Variants in SLC22A16 observed in about 807,000 individuals in gnomAD.
SLC22A16 encodes WUGSC:RG331P03.1.
In SLC22A16, 53 loss-of-function variants were observed where a neutral mutation model predicts 52.9. That is an observed-to-expected ratio of 1.00 (90% CI 0.80 to 1.26). The LOEUF is 1.26. Ranked by LOEUF, SLC22A16 falls within the 50% of genes most tolerant of loss-of-function variation. SLC22A16 has a pLI of 0.00. For missense variants in SLC22A16, 726 were observed against 704.0 expected (o/e 1.03, Z -0.35); for synonymous variants, 291 against 268.8 (o/e 1.08, Z -0.81).
rs1386742774 is a variant in SLC22A16 at position 110,442,415 on chromosome 6, G to A, written c.1012C>T (p.Pro338Ser). 15 of 1,614,076 alleles carry A rather than the reference G, an allele frequency of 9.3e-6. No individual in the cohort carries two copies. Among genetic ancestry groups the A allele is most frequent in the Non-Finnish European group, 1.2e-5 (14 of 1,180,050 alleles). Reference sequence around the variant, plus strand: ...AGGTTGTGCTTCTGAACTTCAGTGGGGCTATTACTAACAGGACCTTGTAGG... The same window carrying A: ...AGGTTGTGCTTCTGAACTTCAGTGGAGCTATTACTAACAGGACCTTGTAGG... ...LDLQGPVSNS[P>S]TEVQKHNLSY... Residue 338 changes from proline to serine, a missense_variant, in exon 4 of 8, where the codon CCC (proline) becomes TCC (serine). Coordinates refer to ENST00000368919, the MANE Select transcript of SLC22A16 (RefSeq NM_033125.4).
chr6:110,437,249 T>C (rs145101434), intron 5 of SLC22A16, among the ~76,000 whole-genome samples: 1 of 152,306 alleles, frequency 6.6e-6, no homozygotes, highest in East Asian at 1.9e-4. Flanking sequence ...AGATTTGTCG[T>C]TGTGGGTTAA....
At chr6:110,458,146 CCTCT>C (rs143252306) in intron 1 of SLC22A16, among the ~76,000 whole-genome samples, 13 of 149,698 alleles carry the variant, frequency 8.7e-5, no homozygotes, top group Middle Eastern at 7.0e-3. Flanking sequence ...TAAGCTGTCT[CCTCT>C]CTCTCTCTCT....
rs553845837 is a variant in SLC22A16, at chr6:110,463,186, G to T, written c.54-6169C>A. On this transcript the variant is annotated intron_variant, in intron 1 of 7. Coordinates refer to ENST00000368919, the MANE Select transcript of SLC22A16 (RefSeq NM_033125.4). ...CAGTAAAATCACACATAAGTAGAAAGTTCACAGATCCCATAAAGCAATTAC... is the reference window on the plus strand; with the variant it reads ...CAGTAAAATCACACATAAGTAGAAATTTCACAGATCCCATAAAGCAATTAC... Among the ~76,000 whole-genome samples the T allele has an allele frequency of 7.2e-5, 11 of 152,126 alleles. No homozygotes were observed. The South Asian group carries it at 2.3e-3, about 32-fold the overall frequency.
rs183915558 is a variant in SLC22A16 at position 110,452,896 on chromosome 6, G to C, written c.533+3642C>G. On this transcript the variant is annotated intron_variant, in intron 2 of 7. Transcript: ENST00000368919. The stretch of plus-strand genomic sequence containing the variant: ...ATACGTTAATGTGGTAAATACCATT[G>C]ATTAGTTTCTAATATTAAGTAGATT... Among the ~76,000 whole-genome samples, 424 of 152,206 alleles carry C rather than the reference G, an allele frequency of 2.8e-3. 2 individuals carry two copies. Among genetic ancestry groups the C allele is most frequent in the African/African-American group, 9.7e-3 (404 of 41,532 alleles).
At chr6:110,462,217 T>C (rs115527495) in intron 1 of SLC22A16, among the ~76,000 whole-genome samples, 135 of 152,312 alleles carry the variant, frequency 8.9e-4, no homozygotes, top group African/African-American at 3.2e-3. Context: ...AAGATGAGAT[T>C]TGGGTGGGAC....
chr6:110,458,404 C>T lies in SLC22A16; in HGVS notation c.54-1387G>A, dbSNP rs531716592. On this transcript the variant is annotated intron_variant, in intron 1 of 7. Transcript: ENST00000368919. ...TCTTTGTCTTGTGTCTTTATTTCTA[C>T]GATCTCTCGTCTCCACACATGGGGA... 3.7e-4 allele frequency among the ~76,000 whole-genome samples: 57 copies of T among 152,286 alleles called. No homozygotes were observed. The East Asian group carries it at 6.6e-3, about 18-fold the overall frequency.
At chr6:110,469,958 G>A (rs1776205896) in intron 1 of SLC22A16, among the ~76,000 whole-genome samples, 1 of 152,216 alleles carries the variant, frequency 6.6e-6, no homozygotes, top group African/African-American at 2.4e-5. Context: ...AAACTGAAAT[G>A]TCCATTGACA....
At chr6:110,441,920 A>C (rs947384945) in intron 4 of SLC22A16, among the ~76,000 whole-genome samples, 3 of 152,180 alleles carry the variant, frequency 2.0e-5, no homozygotes, top group Non-Finnish European at 4.4e-5. Context: ...CAGGACCCTC[A>C]GTTTTTTAAG....
chr6:110,442,103 A>G (rs951700024), intron 4 of SLC22A16, 141 bp downstream of exon 4: 11 of 736,060 alleles, frequency 1.5e-5, no homozygotes, highest in African/African-American at 3.6e-5. Context: ...TCATAATAAT[A>G]TGGTTGGCAG....
chr6:110,446,973 A>C lies in SLC22A16; in HGVS notation c.551T>G (p.Val184Gly). 6.2e-7 allele frequency: 1 copy of C among 1,613,714 alleles called. No homozygotes were observed. Among genetic ancestry groups the C allele is most frequent in the South Asian group, 1.1e-5 (1 of 90,998 alleles). The change falls in exon 3 of 8, where the codon GTC becomes GGC. Residue 184 changes from valine to glycine, a missense_variant. By Grantham distance (109) the Val-to-Gly change is moderately radical. Transcript: ENST00000368919. ...YFSDRLGRRV[V>G]LWATSSSMFL... is the part of the protein sequence containing the mutation. ...CATGCTACTGCTTGTGGCCCACAAG[A>C]CCACCCGGCGTCCTAGCCTGAAAAA... is the stretch of plus-strand genomic sequence containing the variant.
chr6:110,442,483 TTC>T lies in SLC22A16; in HGVS notation c.942_943del (p.Trp314Ter). On this transcript the variant is annotated stop_gained and frameshift_variant, in exon 4 of 8. Transcript: ENST00000368919. LOFTEE classifies it high-confidence loss of function. ...TGACAGTTTACAGGAGCTTGCCCTGTTCCACTTGGCCATGATGTCAACTATTT... is the reference window on the plus strand; with the variant it reads ...TGACAGTTTACAGGAGCTTGCCCTGTCACTTGGCCATGATGTCAACTATTT... 6.2e-7 allele frequency: 1 copy of T among 1,614,240 alleles called. No homozygotes were observed. Among genetic ancestry groups the T allele is most frequent in the Non-Finnish European group, 8.5e-7 (1 of 1,180,040 alleles).
chr6:110,463,322 T>C (rs575969355), intron 1 of SLC22A16, among the ~76,000 whole-genome samples: 77 of 151,742 alleles, frequency 5.1e-4, no homozygotes, highest in African/African-American at 1.7e-3. Flanking sequence ...TTAGAGGATA[T>C]AGATGAGCAA....
In SLC22A16 at chr6:110,438,833, G is replaced by T; in HGVS notation, c.1198C>A (p.Pro400Thr). The change falls in exon 5 of 8, where the codon CCC (proline) becomes ACC (threonine). Residue 400 changes from proline (P) to threonine (T), a missense_variant. Physicochemically the swap from Pro to Thr is conservative, Grantham distance 38. Coordinates refer to ENST00000368919, the MANE Select transcript of SLC22A16 (RefSeq NM_033125.4). ...NLFLLGVVEI[P>T]AYTFVCIAMD... ...GCGATGCACACGAAGGTGTAGGCGG[G>T]AATTTCCACTACACCTGTCATTGAG... 1 of 1,614,012 alleles carries T rather than the reference G, an allele frequency of 6.2e-7. No homozygotes were observed. The highest frequency in any genetic ancestry group is 8.5e-7 in the Non-Finnish European group (1 of 1,179,944).
At chr6:110,461,976 G>T (rs573045198) in intron 1 of SLC22A16, among the ~76,000 whole-genome samples, 1 of 152,188 alleles carries the variant, frequency 6.6e-6, no homozygotes, top group Non-Finnish European at 1.5e-5. Context: ...GTTCCACAAG[G>T]CTGGGGAGGC....
At chr6:110,426,137 T>C (rs770610231) in intron 7 of SLC22A16, among the ~76,000 whole-genome samples, 1 of 152,210 alleles carries the variant, frequency 6.6e-6, no homozygotes, top group Non-Finnish European at 1.5e-5. Flanking sequence ...ATACGAAATA[T>C]ATGAGTAAGC....
intron 1 of SLC22A16, among the ~76,000 whole-genome samples, chr6:110,468,628 C>T (rs536548560): frequency 5.2e-4 from 72 of 139,488 alleles, no homozygotes; most frequent in Non-Finnish European, 7.9e-4. Flanking sequence ...CCTGGGTAAG[C>T]GAGCGAGGCT....
At chr6:110,425,471 G>T in intron 7 of SLC22A16, 1 of 1,228,058 alleles carries the variant, frequency 8.1e-7, no homozygotes, top group Non-Finnish European at 1.1e-6. Context: ...CCTGGGTCAG[G>T]ACATGCCAAG....
At chr6:110,453,181 T>A (rs1775449696) in intron 2 of SLC22A16, among the ~76,000 whole-genome samples, 1 of 152,236 alleles carries the variant, frequency 6.6e-6, no homozygotes, top group Non-Finnish European at 1.5e-5. Context: ...ATCAATATTT[T>A]TAAGCTTGTC....
chr6:110,459,650 G>C (rs964015741), intron 1 of SLC22A16, among the ~76,000 whole-genome samples: 3 of 152,152 alleles, frequency 2.0e-5, no homozygotes, highest in Admixed American at 1.3e-4. Flanking sequence ...TTAGTTAATA[G>C]TAACATATTA....
Sources: gnomAD v4.1 joint callset for allele counts (sites outside exome capture counted in the v4.1 genomes callset) on GRCh38, gnomAD v4.1.1 for gene constraint, MANE v1.5 for transcripts, NCBI Gene and HGNC (gene_info 2026-07-23, HGNC 2026-07-21) for gene names.